The following HEATR5B variants were observed in gnomAD, a reference collection of about 807,000 sequenced individuals.
HEATR5B encodes HEAT repeat containing 5B, also known as HEAT repeat-containing protein 5B.
A neutral mutation model predicts 224.1 loss-of-function variants in HEATR5B; 156 were observed. That is an observed-to-expected ratio of 0.70 (90% CI 0.61 to 0.80). The LOEUF is 0.80. Among genes scored for constraint, HEATR5B ranks in the 30% least tolerant of loss-of-function variants. The pLI is 0.00. For synonymous variants in HEATR5B, 1,027 were observed against 893.0 expected (o/e 1.15, Z -2.68); for missense variants, 2,323 against 2,535.5 (o/e 0.92, Z 1.80).
At chr2:36,991,115 A>G (rs1239206198) in intron 33 of HEATR5B, among the ~76,000 whole-genome samples, 1 of 152,258 alleles carries the variant, frequency 6.6e-6, no homozygotes, top group Non-Finnish European at 1.5e-5. Context: ...GTATGCAGTT[A>G]TATTTAATGC....
At chr2:36,988,923 T>C (rs539089248) in intron 34 of HEATR5B, 64 bp from the exon 35 acceptor site, 61 of 1,218,646 alleles carry the variant, frequency 5.0e-5, no homozygotes, top group Middle Eastern at 4.0e-4. Context: ...TACAATCACA[T>C]TGCATCTTAC....
Position 37,079,144 on chromosome 2 carries a change from G to T in HEATR5B, c.314C>A (p.Thr105Asn), listed in dbSNP as rs992251663. ...CNDIIRNKDD[T>N]AAYLPTKLAA... ...CAATTTTGTTGGTAAGTAGGCCGCA[G>T]TGTCATCTTTATTTCTGATAATGTC... is the stretch of plus-strand genomic sequence containing the variant. Residue 105 changes from threonine (T) to asparagine (N), a missense_variant, in exon 3 of 36, where the codon ACT becomes AAT. Physicochemically the swap from Thr to Asn is moderately conservative, Grantham distance 65. Coordinates refer to ENST00000233099, the MANE Select transcript of HEATR5B (RefSeq NM_019024.3). 5.0e-6 allele frequency: 8 copies of T among 1,605,048 alleles called. No individual in the cohort carries two copies. The highest frequency in any genetic ancestry group is 5.1e-6 in the Non-Finnish European group (6 of 1,173,574).
intron 22 of HEATR5B, among the ~76,000 whole-genome samples, chr2:37,030,833 A>C (rs1045911918): frequency 6.6e-6 from 1 of 152,216 alleles, no homozygotes; most frequent in Non-Finnish European, 1.5e-5. Flanking sequence ...TGCAGGCCTG[A>C]GACTACCTTA....
In HEATR5B at chr2:37,012,745, G is replaced by C. The variant is rs530796713; in HGVS notation, c.4284+1096C>G. Among the ~76,000 whole-genome samples, 23 of 152,246 alleles carry C rather than the reference G, an allele frequency of 1.5e-4. No homozygotes were observed. The South Asian group carries it at 3.1e-3, about 21-fold the overall frequency. ...AAGGTGCTGAAGACACAAAGAAGAAGAGTAGACAGCACTGAGCTTCACACA... is the reference window on the plus strand; with the variant it reads ...AAGGTGCTGAAGACACAAAGAAGAACAGTAGACAGCACTGAGCTTCACACA... On this transcript the variant is annotated intron_variant, in intron 27 of 35. Transcript: ENST00000233099.
intron 18 of HEATR5B, among the ~76,000 whole-genome samples, chr2:37,048,513 A>G (rs1670341885): frequency 6.9e-6 from 1 of 145,982 alleles, no homozygotes; most frequent in African/African-American, 2.6e-5. Flanking sequence ...ACTCCTTGTA[A>G]TTAAAAAAAA....
intron 16 of HEATR5B, among the ~76,000 whole-genome samples, chr2:37,054,645 C>T (rs1370081310): frequency 6.6e-6 from 1 of 150,836 alleles, no homozygotes; most frequent in Non-Finnish European, 1.5e-5. Context: ...CCACTACACC[C>T]AGCTAATTTT....
At chr2:37,050,541 C>A (rs1558344739) in intron 17 of HEATR5B, among the ~76,000 whole-genome samples, 1 of 152,108 alleles carries the variant, frequency 6.6e-6, no homozygotes, top group Non-Finnish European at 1.5e-5. Context: ...TGTTATGAAA[C>A]AGAGCACAAA....
intron 27 of HEATR5B, among the ~76,000 whole-genome samples, chr2:37,009,207 G>A (rs528427586): frequency 1.9e-4 from 27 of 142,464 alleles, no homozygotes; most frequent in Admixed American, 1.8e-3. Context: ...GCAGTGAGCC[G>A]AGATCGCGCT....
In HEATR5B at chr2:37,020,706, C is replaced by A. The variant is rs1249999354; in HGVS notation, c.3984G>T (p.Val1328=). The change falls in exon 25 of 36, where the codon GTG becomes GTT. Residue 1328 remains valine (V), a synonymous_variant. Coordinates refer to ENST00000233099, the MANE Select transcript of HEATR5B (RefSeq NM_019024.3). Reference sequence around the variant, plus strand: ...CATGACCTGGAAATTCTGGCTCAGGCACAGACGCAAACTTCTTGATAATGT... The same window carrying A: ...CATGACCTGGAAATTCTGGCTCAGGAACAGACGCAAACTTCTTGATAATGT... ...LEDIIKKFAS[V]PEPEFPGHVI... 1.2e-6 allele frequency: 2 copies of A among 1,604,202 alleles called. No individual in the cohort carries two copies. Among genetic ancestry groups the A allele is most frequent in the Non-Finnish European group, 1.7e-6 (2 of 1,177,892 alleles).
chr2:36,996,599 A>T (rs1316161359), intron 33 of HEATR5B, among the ~76,000 whole-genome samples: 5 of 150,620 alleles, frequency 3.3e-5, no homozygotes, highest in East Asian at 3.9e-4. Context: ...GTATATATAT[A>T]TATTTTTTTG....
chr2:37,030,817 T>C (rs1371330172), intron 22 of HEATR5B, among the ~76,000 whole-genome samples: 1 of 152,174 alleles, frequency 6.6e-6, no homozygotes, highest in East Asian at 1.9e-4. Flanking sequence ...AAAAACAAAT[T>C]AACACTGCAG....
intron 27 of HEATR5B, among the ~76,000 whole-genome samples, chr2:37,009,539 T>G (rs1667656036): frequency 1.3e-5 from 2 of 151,850 alleles, no homozygotes; most frequent in Non-Finnish European, 2.9e-5. Flanking sequence ...ATCGTGCCAC[T>G]GCATTCCAGC....
chr2:37,000,229 C>G (rs1337568703), intron 33 of HEATR5B, among the ~76,000 whole-genome samples: 1 of 151,900 alleles, frequency 6.6e-6, no homozygotes, highest in Non-Finnish European at 1.5e-5. Flanking sequence ...AGGCACGTGC[C>G]ACCATACCCG....
intron 20 of HEATR5B, among the ~76,000 whole-genome samples, chr2:37,040,009 T>C (rs1475944304): frequency 6.6e-6 from 1 of 152,222 alleles, no homozygotes; most frequent in African/African-American, 2.4e-5. Context: ...CAAAAGTCCA[T>C]GAAGACATGT....
intron 33 of HEATR5B, among the ~76,000 whole-genome samples, chr2:36,996,346 A>T (rs552513628): frequency 6.6e-6 from 1 of 151,912 alleles, no homozygotes; most frequent in South Asian, 2.1e-4. Context: ...GGCGTGAGCC[A>T]ATGTGCTCGG....
intron 26 of HEATR5B, among the ~76,000 whole-genome samples, 160 bp from the exon 27 acceptor site, chr2:37,014,180 G>A (rs1459944876): frequency 6.6e-6 from 1 of 151,772 alleles, no homozygotes; most frequent in Non-Finnish European, 1.5e-5. Flanking sequence ...TTATTATTTT[G>A]AGACAGAGTT....
intron 24 of HEATR5B, among the ~76,000 whole-genome samples, chr2:37,025,671 G>GA (rs11409766): frequency 0.21 from 31,237 of 151,844 alleles, 3,482 homozygotes; most frequent in African/African-American, 0.26. Context: ...AATGTATAAA[G>GA]AAAAAACCTG....
chr2:37,009,165 G>C (rs1211504459), intron 27 of HEATR5B, among the ~76,000 whole-genome samples: 2 of 150,620 alleles, frequency 1.3e-5, no homozygotes, highest in African/African-American at 4.9e-5. Flanking sequence ...GGCTGAGGCA[G>C]GGGAATCGCT....
At chr2:37,040,240 T>C in intron 20 of HEATR5B, 89 bp downstream of exon 20, 2 of 1,063,430 alleles carry the variant, frequency 1.9e-6, no homozygotes, top group South Asian at 2.7e-5. Flanking sequence ...TATTACAAAA[T>C]TTCTTCAAGT....
Sources: allele counts gnomAD v4.1 joint callset (sites outside exome capture counted in the v4.1 genomes callset), GRCh38; gene constraint gnomAD v4.1.1; transcripts MANE v1.5; gene names NCBI Gene and HGNC (gene_info 2026-07-23, HGNC 2026-07-21).